Variants in CDK14 observed in about 807,000 individuals in gnomAD.
CDK14 encodes cyclin-dependent kinase 14.
CDK14 carries 34 observed loss-of-function variants against 60.7 expected under a neutral mutation model. The observed-to-expected ratio is 0.56, with a 90% CI of 0.43 to 0.75. CDK14 has a LOEUF of 0.75. CDK14 is among the 30% of genes least tolerant of loss of function. CDK14 has a pLI of 0.00. For synonymous variants in CDK14, 197 were observed against 203.7 expected (o/e 0.97, Z 0.28); for missense variants, 482 against 564.1 (o/e 0.85, Z 1.47).
chr7:91,015,521 G>GTTTTTTT (rs10710645), intron 10 of CDK14, among the ~76,000 whole-genome samples: 21 of 77,672 alleles, frequency 2.7e-4, no homozygotes, highest in Non-Finnish European at 4.2e-4. Flanking sequence ...TATGTCTTGG[G>GTTTTTTT]TTTTTTTTTT....
chr7:91,197,356 C>T (rs1293987421), intron 14 of CDK14, among the ~76,000 whole-genome samples: 2 of 149,090 alleles, frequency 1.3e-5, no homozygotes, highest in Non-Finnish European at 3.0e-5. Context: ...GCCGAGATCA[C>T]ACCACTGAAC....
intron 10 of CDK14, among the ~76,000 whole-genome samples, chr7:91,036,029 G>A (rs1306989385): frequency 3.3e-5 from 5 of 152,034 alleles, no homozygotes; most frequent in Admixed American, 1.3e-4. Context: ...ATTTTTAGTA[G>A]AGACGGGGTT....
chr7:91,001,923 A>G (rs1023456061), intron 10 of CDK14, among the ~76,000 whole-genome samples: 1 of 152,226 alleles, frequency 6.6e-6, no homozygotes. Context: ...GTAATGAACT[A>G]ATGGAGTTTA....
chr7:90,872,965 G>A (rs946988666), intron 6 of CDK14, among the ~76,000 whole-genome samples: 1 of 151,914 alleles, frequency 6.6e-6, no homozygotes, highest in African/African-American at 2.4e-5. Context: ...GATATTTAAT[G>A]GTAGAGAAAT....
intron 3 of CDK14, among the ~76,000 whole-genome samples, chr7:90,735,534 G>A (rs1024759143): frequency 7.2e-5 from 11 of 152,332 alleles, no homozygotes; most frequent in Non-Finnish European, 1.3e-4. Flanking sequence ...TCTAGAGAAG[G>A]AGTCTGGCCA....
intron 2 of CDK14, among the ~76,000 whole-genome samples, chr7:90,670,959 A>G (rs1801084569): frequency 6.6e-6 from 1 of 152,180 alleles, no homozygotes; most frequent in Non-Finnish European, 1.5e-5. Flanking sequence ...CTTAAGAACA[A>G]AAGCTGGTGG....
intron 14 of CDK14, among the ~76,000 whole-genome samples, chr7:91,178,537 A>G (rs528077242): frequency 5.9e-5 from 9 of 151,266 alleles, no homozygotes; most frequent in Admixed American, 3.3e-4. Context: ...CTACAAAATG[A>G]GAGAAAATTT....
intron 4 of CDK14, among the ~76,000 whole-genome samples, chr7:90,763,612 C>T (rs1804416586): frequency 7.3e-6 from 1 of 137,290 alleles, no homozygotes; most frequent in Non-Finnish European, 1.5e-5. Flanking sequence ...TAGATCTCTC[C>T]TTGAGAACAA....
chr7:91,028,567 T>G (rs1432555943), intron 10 of CDK14, among the ~76,000 whole-genome samples: 1 of 152,182 alleles, frequency 6.6e-6, no homozygotes, highest in South Asian at 2.1e-4. Context: ...GTGTTCCCTT[T>G]TCACCCCATT....
intron 4 of CDK14, among the ~76,000 whole-genome samples, chr7:90,753,742 G>A (rs762588695): frequency 6.6e-6 from 1 of 152,026 alleles, no homozygotes; most frequent in African/African-American, 2.4e-5. Context: ...TAAAGAGTCC[G>A]CCAAAAAGCT....
At chr7:90,977,033 C>A (rs935746271) in intron 9 of CDK14, among the ~76,000 whole-genome samples, 1 of 152,028 alleles carries the variant, frequency 6.6e-6, no homozygotes, top group Admixed American at 6.6e-5. Flanking sequence ...AGATCAATGT[C>A]CTGTGTTTTC....
chr7:90,812,263 T>C (rs1347477842), intron 5 of CDK14, among the ~76,000 whole-genome samples: 1 of 152,188 alleles, frequency 6.6e-6, no homozygotes, highest in East Asian at 1.9e-4. Context: ...GTGGCACATA[T>C]ACACCATGGA....
chr7:90,703,028 T>G (rs1391541886), intron 2 of CDK14, among the ~76,000 whole-genome samples: 3 of 151,680 alleles, frequency 2.0e-5, no homozygotes, highest in Admixed American at 1.3e-4. Context: ...TGTTTTTTTT[T>G]TCCTTTTCAG....
intron 14 of CDK14, among the ~76,000 whole-genome samples, chr7:91,186,586 A>G (rs1285968915): frequency 1.3e-5 from 2 of 152,006 alleles, no homozygotes; most frequent in Non-Finnish European, 2.9e-5. Flanking sequence ...TTCCAAGTTT[A>G]TGGTAAAGTT....
chr7:90,924,892 A>G (rs938296100), intron 8 of CDK14, among the ~76,000 whole-genome samples: 4 of 152,114 alleles, frequency 2.6e-5, no homozygotes, highest in Non-Finnish European at 5.9e-5. Context: ...TTCACCTTGA[A>G]TAATTTCTTC....
At chr7:91,061,335 G>A (rs116981799) in intron 11 of CDK14, among the ~76,000 whole-genome samples, 3,184 of 152,232 alleles carry the variant, frequency 0.021, 41 homozygotes, top group Middle Eastern at 0.031. Flanking sequence ...CTTGTTTGCC[G>A]TGGGTTCGAA....
At chr7:90,941,757 G>T (rs1171106473) in intron 8 of CDK14, among the ~76,000 whole-genome samples, 1 of 152,062 alleles carries the variant, frequency 6.6e-6, no homozygotes, top group African/African-American at 2.4e-5. Flanking sequence ...CCCAGCATGG[G>T]CCCTGCGAGT....
Position 90,930,858 on chromosome 7 carries a change from G to C in CDK14, c.826+13134G>C, listed in dbSNP as rs560790436. ...AATGTGAGAGCATTGATTTGTGCTT[G>C]TAATATTAGCTTTATTTAGGCATTA... On this transcript the variant is annotated intron_variant, in intron 8 of 14. Coordinates refer to ENST00000380050, the MANE Select transcript of CDK14 (RefSeq NM_001287135.2). Among the ~76,000 whole-genome samples the C allele has an allele frequency of 2.6e-5, 4 of 152,212 alleles. No homozygotes were observed. In the South Asian group the frequency reaches 8.3e-4, roughly 32 times the overall value.
intron 6 of CDK14, among the ~76,000 whole-genome samples, chr7:90,885,308 G>A (rs1383898627): frequency 2.0e-5 from 3 of 151,960 alleles, no homozygotes; most frequent in African/African-American, 7.2e-5. Context: ...ACATTTACAC[G>A]ACCAACAAAC....
Sources: gnomAD v4.1 joint callset for allele counts (sites outside exome capture counted in the v4.1 genomes callset) on GRCh38, gnomAD v4.1.1 for gene constraint, MANE v1.5 for transcripts, NCBI Gene and HGNC (gene_info 2026-07-23, HGNC 2026-07-21) for gene names.